Variants in BTBD9 observed in about 807,000 individuals in gnomAD.
The protein encoded by BTBD9 is BTB/POZ domain-containing protein 9.
In BTBD9, 49 loss-of-function variants were observed where a neutral mutation model predicts 64.3. The ratio of observed to expected loss-of-function variants is 0.76; its 90% CI spans 0.61 to 0.97. BTBD9 has a LOEUF of 0.97. Ranked by LOEUF, BTBD9 falls within the 50% of genes least tolerant of loss-of-function variation. The pLI is 0.00. For missense variants in BTBD9, 598 were observed against 762.1 expected (o/e 0.78, Z 2.53); for synonymous variants, 260 against 274.7 (o/e 0.95, Z 0.53).
chr6:38,277,649 T>C (rs2127548555), intron 8 of BTBD9, among the ~76,000 whole-genome samples: 1 of 152,266 alleles, frequency 6.6e-6, no homozygotes, highest in East Asian at 1.9e-4. Context: ...CAGAACATTT[T>C]TGAAGCTGAG....
At chr6:38,266,651 AAAGAAAGAAAGAAAGAAAGAAAGAAAG>A (rs1198218610) in intron 8 of BTBD9, among the ~76,000 whole-genome samples, 40 of 129,390 alleles carry the variant, frequency 3.1e-4, no homozygotes, top group African/African-American at 1.1e-3. Context: ...AGAAAGAAAG[AAAGAAAGAAAGAAAGAAAGAAAGAAAG>A]AAGAAAAAGA....
intron 6 of BTBD9, among the ~76,000 whole-genome samples, chr6:38,386,485 T>C (rs1766174163): frequency 1.3e-5 from 2 of 152,154 alleles, no homozygotes; most frequent in Admixed American, 6.5e-5. Context: ...ATGTGCAATA[T>C]AGCGCTCACA....
At chr6:38,315,317 C>G (rs549825276) in intron 7 of BTBD9, among the ~76,000 whole-genome samples, 195 of 152,228 alleles carry the variant, frequency 1.3e-3, no homozygotes, top group Non-Finnish European at 2.4e-3. Flanking sequence ...TTTTCTTCTA[C>G]GAACTTTAGA....
intron 6 of BTBD9, among the ~76,000 whole-genome samples, chr6:38,479,208 G>A (rs1033910438): frequency 2.0e-5 from 3 of 152,030 alleles, no homozygotes; most frequent in Admixed American, 6.6e-5. Context: ...CCTGACAGGC[G>A]CCCAATGTGG....
At chr6:38,502,097 C>T (rs1368508115) in intron 6 of BTBD9, among the ~76,000 whole-genome samples, 1 of 152,128 alleles carries the variant, frequency 6.6e-6, no homozygotes, top group African/African-American at 2.4e-5. Flanking sequence ...CTGCTAATCC[C>T]TAGAGATGCT....
chr6:38,365,505 G>T (rs1765150078), intron 6 of BTBD9, among the ~76,000 whole-genome samples: 1 of 152,178 alleles, frequency 6.6e-6, no homozygotes. Context: ...ACTTTGGGAG[G>T]CCAAGGAGGG....
chr6:38,263,272 C>A (rs1242408013), intron 8 of BTBD9, among the ~76,000 whole-genome samples: 1 of 152,184 alleles, frequency 6.6e-6, no homozygotes, highest in Non-Finnish European at 1.5e-5. Flanking sequence ...AGTCACTTTA[C>A]TTATACTTTG....
chr6:38,297,891 A>T (rs1762219663), intron 7 of BTBD9, among the ~76,000 whole-genome samples: 1 of 146,740 alleles, frequency 6.8e-6, no homozygotes, highest in African/African-American at 2.5e-5. Flanking sequence ...CCCAGGCTGC[A>T]GTGCAGTGGT....
At chr6:38,498,086 C>T (rs1772032927) in intron 6 of BTBD9, among the ~76,000 whole-genome samples, 1 of 152,162 alleles carries the variant, frequency 6.6e-6, no homozygotes, top group Non-Finnish European at 1.5e-5. Flanking sequence ...TAAGAATTTC[C>T]AGCACAACCA....
chr6:38,351,381 A>T (rs1764500207), intron 6 of BTBD9, among the ~76,000 whole-genome samples: 1 of 152,198 alleles, frequency 6.6e-6, no homozygotes, highest in African/African-American at 2.4e-5. Context: ...CAAAACAGAA[A>T]GTCTTGTTTT....
chr6:38,269,031 A>G (rs1037115856), intron 8 of BTBD9, among the ~76,000 whole-genome samples: 4 of 152,242 alleles, frequency 2.6e-5, no homozygotes, highest in Admixed American at 2.6e-4. Context: ...CATGAAAACA[A>G]CTACCCTCTA....
intron 6 of BTBD9, among the ~76,000 whole-genome samples, chr6:38,492,249 T>C (rs981634791): frequency 1.3e-5 from 2 of 152,144 alleles, no homozygotes; most frequent in African/African-American, 4.8e-5. Context: ...CCCTAAGTTT[T>C]TAAAGGAGGG....
chr6:38,563,632 C>T (rs1016649010), intron 6 of BTBD9, among the ~76,000 whole-genome samples: 26 of 152,246 alleles, frequency 1.7e-4, no homozygotes, highest in African/African-American at 6.3e-4. Context: ...CTGGTCATTA[C>T]CCACCTTTCC....
At chr6:38,639,024 A>G (rs1778629195) in intron 1 of BTBD9, among the ~76,000 whole-genome samples, 2 of 152,216 alleles carry the variant, frequency 1.3e-5, no homozygotes, top group Admixed American at 6.5e-5. Flanking sequence ...AGCAGCCTGT[A>G]CTGCCTTTAG....
chr6:38,175,145 T>C lies in BTBD9; in HGVS notation c.1679A>G (p.Gln560Arg). ...HCVHFECPEQ[Q>R]SSQKEENSEE... is the part of the protein sequence containing the mutation. ...ACTATTTTCCTCCTTCTGGCTGCTC[T>C]GCTGCTCTGGACACTCAAAGTGGAC... The change falls in exon 11 of 11, where the codon CAG becomes CGG. Residue 560 changes from glutamine (Q) to arginine (R), a missense_variant. Physicochemically the swap from Gln to Arg is conservative, Grantham distance 43 (BLOSUM62 1). Transcript: ENST00000481247. 6.2e-7 allele frequency: 1 copy of C among 1,614,118 alleles called. No individual in the cohort carries two copies.
chr6:38,432,248 G>A (rs1048767921), intron 6 of BTBD9, among the ~76,000 whole-genome samples: 2 of 151,990 alleles, frequency 1.3e-5, no homozygotes, highest in African/African-American at 2.4e-5. Flanking sequence ...CCAGCGCTGT[G>A]AGCCAAATAT....
At chr6:38,552,898 C>T (rs1319425649) in intron 6 of BTBD9, among the ~76,000 whole-genome samples, 6 of 152,096 alleles carry the variant, frequency 3.9e-5, no homozygotes, top group Non-Finnish European at 5.9e-5. Flanking sequence ...CCAGGACCCC[C>T]AAACCCCCAC....
At chr6:38,630,244 T>C (rs1778317292) in intron 1 of BTBD9, among the ~76,000 whole-genome samples, 1 of 151,434 alleles carries the variant, frequency 6.6e-6, no homozygotes, top group South Asian at 2.1e-4. Context: ...AAAGAAAAAC[T>C]GAATGCACCA....
chr6:38,171,846 C>CAAAAAAAAAAAAAA lies in BTBD9; in HGVS notation c.*3125_*3138dup, dbSNP rs869155666. The stretch of plus-strand genomic sequence containing the variant: ...TCCAATGAAGTTGCCTTTCTACTCT[C>CAAAAAAAAAAAAAA]AAAAAAAAAAAAAAAAAAAAAAAAA... On this transcript the variant is annotated 3_prime_UTR_variant, in exon 11 of 11. Coordinates refer to ENST00000481247, the MANE Select transcript of BTBD9 (RefSeq NM_001099272.2). 15 of 79,200 alleles carry CAAAAAAAAAAAAAA rather than the reference C, an allele frequency of 1.9e-4. No homozygotes were observed. The highest frequency in any genetic ancestry group is 8.5e-4 in the East Asian group (1 of 1,174). 4.9% of individuals were successfully genotyped at this position (79,200 alleles called of 1,614,324 possible).
Sources: gnomAD v4.1 joint callset for allele counts (sites outside exome capture counted in the v4.1 genomes callset) on GRCh38, gnomAD v4.1.1 for gene constraint, MANE v1.5 for transcripts, NCBI Gene and HGNC (gene_info 2026-07-23, HGNC 2026-07-21) for gene names.